The following AUTS2 variants were observed in gnomAD, a reference collection of about 807,000 sequenced individuals.
AUTS2 encodes the protein autism susceptibility gene 2 protein.
A neutral mutation model predicts 112.4 loss-of-function variants in AUTS2; 17 were observed. That is an observed-to-expected ratio of 0.15 (90% CI 0.10 to 0.23). AUTS2 has a LOEUF of 0.23. Ranked by LOEUF, AUTS2 falls within the 10% of genes least tolerant of loss-of-function variation. The pLI, the probability that AUTS2 is intolerant of heterozygous loss-of-function variation, is 1.00. For missense variants in AUTS2, 1,510 were observed against 1,701.6 expected (o/e 0.89, Z 1.98); for synonymous variants, 751 against 702.7 (o/e 1.07, Z -1.09).
At chr7:69,893,301 A>C (rs765551740) in intron 1 of AUTS2, among the ~76,000 whole-genome samples, 1 of 152,234 alleles carries the variant, frequency 6.6e-6, no homozygotes, top group Non-Finnish European at 1.5e-5. Flanking sequence ...TCAAAAGTCC[A>C]AAGTTGGGGA....
rs147935064 is a variant in AUTS2 at position 69,801,910 on chromosome 7, G to C, written c.310-97376G>C. ...ATGATGTGATGTGTGCTGTTGTGGT[G>C]GTGGGGCATGCAATTTTAGATTCAG... On this transcript the variant is annotated intron_variant, in intron 1 of 18. Coordinates refer to ENST00000342771, the MANE Select transcript of AUTS2 (RefSeq NM_015570.4). Among the ~76,000 whole-genome samples, 277 of 152,264 alleles carry C rather than the reference G, an allele frequency of 1.8e-3. 1 individual carries two copies. The highest frequency in any genetic ancestry group is 6.8e-3 in the Middle Eastern group (2 of 294).
intron 1 of AUTS2, among the ~76,000 whole-genome samples, chr7:69,736,852 A>G (rs1787051039): frequency 1.3e-5 from 2 of 152,170 alleles, no homozygotes; most frequent in Admixed American, 1.3e-4. Context: ...TCTCAGAAAT[A>G]TAGTCTTTAA....
rs1797057086 is a variant in AUTS2 at position 70,463,596 on chromosome 7, G to A, written c.690+27815G>A. ...CTTGGGAGTGCCAGTTAATTGACAA[G>A]AACCGCACTTGTCAATCTTTTGAGG... On this transcript the variant is annotated intron_variant, in intron 5 of 18. Coordinates refer to ENST00000342771, the MANE Select transcript of AUTS2 (RefSeq NM_015570.4). Among the ~76,000 whole-genome samples, 3 of 152,194 alleles carry A rather than the reference G, an allele frequency of 2.0e-5. No homozygotes were observed. In the South Asian group the frequency reaches 6.2e-4, roughly 32 times the overall value.
chr7:70,398,980 CTTT>C (rs1184257368), intron 4 of AUTS2, among the ~76,000 whole-genome samples: 2 of 130,636 alleles, frequency 1.5e-5, no homozygotes, highest in Non-Finnish European at 3.3e-5. Context: ...TATGGTCTTT[CTTT>C]TTTTTTTTTT....
chr7:70,582,100 G>A (rs958257118), intron 5 of AUTS2, among the ~76,000 whole-genome samples: 14 of 151,018 alleles, frequency 9.3e-5, no homozygotes, highest in African/African-American at 3.4e-4. Flanking sequence ...CATCTAGTTG[G>A]TAGTAGAGGT....
intron 1 of AUTS2, among the ~76,000 whole-genome samples, chr7:69,768,598 G>A (rs1239169701): frequency 6.6e-6 from 1 of 152,140 alleles, no homozygotes; most frequent in Non-Finnish European, 1.5e-5. Context: ...AAAACCTTGT[G>A]GGGGTAACTG....
rs184652601 is a variant in AUTS2 at position 69,986,425 on chromosome 7, T to C, written c.522+86927T>C. On this transcript the variant is annotated intron_variant, in intron 2 of 18. Coordinates refer to ENST00000342771, the MANE Select transcript of AUTS2 (RefSeq NM_015570.4). The stretch of plus-strand genomic sequence containing the variant: ...TGTTTTCCATAATCTGGAATTGTTG[T>C]TTGGAATTCTTTACAGAAATTCACA... Among the ~76,000 whole-genome samples the C allele has an allele frequency of 4.4e-3, 678 of 152,360 alleles. 9 individuals are homozygous for C. The highest frequency in any genetic ancestry group is 0.015 in the African/African-American group (638 of 41,590).
Position 70,352,226 on chromosome 7 carries a change from T to C in AUTS2, c.661-83526T>C, listed in dbSNP as rs1381542064. Among the ~76,000 whole-genome samples, 3 of 152,190 alleles carry C rather than the reference T, an allele frequency of 2.0e-5. No individual in the cohort carries two copies. The East Asian group carries it at 5.8e-4, about 29-fold the overall frequency. The stretch of plus-strand genomic sequence containing the variant: ...AGCCAGAACGCATGCTCTTAACCCC[T>C]GCACTGTTCTGCCAACTCTTTGGAG... On this transcript the variant is annotated intron_variant, in intron 4 of 18. Coordinates refer to ENST00000342771, the MANE Select transcript of AUTS2 (RefSeq NM_015570.4).
chr7:70,418,003 G>C (rs1402840192), intron 4 of AUTS2, among the ~76,000 whole-genome samples: 1 of 152,070 alleles, frequency 6.6e-6, no homozygotes, highest in East Asian at 1.9e-4. Flanking sequence ...CCTGGGATTG[G>C]GGTGCACAGG....
At chr7:70,773,946 CATTT>C (rs1790524988) in intron 11 of AUTS2, 78 bp from the exon 12 acceptor site, 2 of 1,314,342 alleles carry the variant, frequency 1.5e-6, no homozygotes, top group Non-Finnish European at 2.2e-6. Context: ...TGGCTTCTCT[CATTT>C]AGCAGAAGGG....
chr7:69,875,914 A>G (rs1175340557), intron 1 of AUTS2, among the ~76,000 whole-genome samples: 5 of 152,126 alleles, frequency 3.3e-5, no homozygotes, highest in Admixed American at 6.6e-5. Context: ...AGTTATTCAC[A>G]AATGGTTGTT....
chr7:69,656,580 G>T (rs1795551616), intron 1 of AUTS2, among the ~76,000 whole-genome samples: 1 of 152,008 alleles, frequency 6.6e-6, no homozygotes, highest in Non-Finnish European at 1.5e-5. Context: ...ACCCAACATA[G>T]CATGGGAATA....
intron 2 of AUTS2, among the ~76,000 whole-genome samples, chr7:70,005,575 T>G (rs998527968): frequency 6.6e-6 from 1 of 152,162 alleles, no homozygotes; most frequent in African/African-American, 2.4e-5. Flanking sequence ...AGGCATGTGC[T>G]GTTCGAGTTC....
intron 4 of AUTS2, among the ~76,000 whole-genome samples, chr7:70,226,587 C>G (rs1389712916): frequency 6.6e-6 from 1 of 151,982 alleles, no homozygotes; most frequent in Non-Finnish European, 1.5e-5. Flanking sequence ...AACCCAGCTT[C>G]TTGCATGAAA....
intron 5 of AUTS2, among the ~76,000 whole-genome samples, chr7:70,559,303 A>T (rs1801381380): frequency 6.6e-6 from 1 of 150,648 alleles, no homozygotes; most frequent in African/African-American, 2.4e-5. Flanking sequence ...CTAACACACC[A>T]TCTGATCTGA....
At chr7:69,823,804 G>C (rs1791113187) in intron 1 of AUTS2, among the ~76,000 whole-genome samples, 1 of 152,034 alleles carries the variant, frequency 6.6e-6, no homozygotes, top group East Asian at 1.9e-4. Flanking sequence ...GAGGAACTCA[G>C]TTACCCAGGG....
At chr7:70,619,369 G>T (rs983392975) in intron 5 of AUTS2, among the ~76,000 whole-genome samples, 1 of 152,050 alleles carries the variant, frequency 6.6e-6, no homozygotes, top group South Asian at 2.1e-4. Flanking sequence ...TGCCTCCTGC[G>T]TGCAGCCGCT....
intron 16 of AUTS2, among the ~76,000 whole-genome samples, 173 bp from the exon 17 acceptor site, chr7:70,785,782 C>T (rs1791418548): frequency 6.6e-6 from 1 of 152,174 alleles, no homozygotes; most frequent in South Asian, 2.1e-4. Flanking sequence ...TAACCCAGTG[C>T]CTAAATCCAA....
chr7:70,459,799 A>G (rs777288556), intron 5 of AUTS2, among the ~76,000 whole-genome samples: 3 of 152,180 alleles, frequency 2.0e-5, no homozygotes. Context: ...GATGAACTGC[A>G]CTGTAGGTTC....
Sources: allele counts gnomAD v4.1 joint callset (sites outside exome capture counted in the v4.1 genomes callset), GRCh38; gene constraint gnomAD v4.1.1; transcripts MANE v1.5; gene names NCBI Gene and HGNC (gene_info 2026-07-23, HGNC 2026-07-21).